Variants in GABRA4 observed in about 807,000 individuals in gnomAD.
GABRA4 encodes gamma-aminobutyric acid type A receptor subunit alpha4.
In GABRA4, 12 loss-of-function variants were observed where a neutral mutation model predicts 49.7. The ratio of observed to expected loss-of-function variants is 0.24; its 90% CI spans 0.15 to 0.39. The LOEUF (loss-of-function observed/expected upper bound fraction) is 0.39. Among genes scored for constraint, GABRA4 ranks in the 10% least tolerant of loss-of-function variants. GABRA4 has a pLI of 1.00. For missense variants in GABRA4, 506 were observed against 686.0 expected, an observed-to-expected ratio of 0.74 and a Z score of 2.93; for synonymous variants, 288 against 240.2, an observed-to-expected ratio of 1.20 and a Z score of -1.84.
chr4:46,985,058 T>C (rs1723485189), intron 2 of GABRA4, among the ~76,000 whole-genome samples: 1 of 152,034 alleles, frequency 6.6e-6, no homozygotes. Flanking sequence ...AGCTGGTTTC[T>C]ATGCAATGGG....
Position 46,920,896 on chromosome 4 carries a change from ACT to A in GABRA4, c.*7327_*7328del, listed in dbSNP as rs1269618108. On this transcript the variant is annotated 3_prime_UTR_variant, in exon 9 of 9. Coordinates refer to ENST00000264318, the MANE Select transcript of GABRA4 (RefSeq NM_000809.4). ...CTTTACTACTTGTGTAACATAATCAACTCTGTCATAGCTTGAGGTATCTGATG... is the reference window on the plus strand; with the variant it reads ...CTTTACTACTTGTGTAACATAATCAACTGTCATAGCTTGAGGTATCTGATG... 1 of 151,798 alleles carries A rather than the reference ACT, an allele frequency of 6.6e-6. No individual in the cohort carries two copies. The highest frequency in any genetic ancestry group is 2.4e-5 in the African/African-American group (1 of 41,408). 9.4% of individuals were successfully genotyped at this position (151,798 alleles called of 1,614,324 possible).
At chr4:46,932,353 T>C (rs547789358) in intron 8 of GABRA4, among the ~76,000 whole-genome samples, 1 of 152,254 alleles carries the variant, frequency 6.6e-6, no homozygotes, top group Admixed American at 6.5e-5. Context: ...ATACAGCAAG[T>C]TACTTACTTG....
intron 8 of GABRA4, among the ~76,000 whole-genome samples, chr4:46,936,442 G>A (rs959532553): frequency 6.6e-6 from 1 of 152,098 alleles, no homozygotes; most frequent in South Asian, 2.1e-4. Flanking sequence ...TAGAGACAGA[G>A]TTTCTCCATG....
At chr4:46,977,934 A>G (rs956017958) in intron 3 of GABRA4, among the ~76,000 whole-genome samples, 7 of 152,100 alleles carry the variant, frequency 4.6e-5, no homozygotes, top group African/African-American at 1.7e-4. Flanking sequence ...AGGTAGTTAC[A>G]ATTGTGTTTT....
intron 8 of GABRA4, among the ~76,000 whole-genome samples, chr4:46,950,207 C>T (rs1471731909): frequency 1.3e-5 from 2 of 152,010 alleles, no homozygotes; most frequent in African/African-American, 2.4e-5. Flanking sequence ...GCATAAACTG[C>T]TTCAAGTCAA....
At chr4:46,976,312 C>T (rs1283460322) in intron 5 of GABRA4, among the ~76,000 whole-genome samples, 2 of 119,980 alleles carry the variant, frequency 1.7e-5, no homozygotes, top group South Asian at 2.9e-4. Context: ...GCCTCCATTT[C>T]TTCTCTGCTG....
intron 8 of GABRA4, among the ~76,000 whole-genome samples, chr4:46,952,689 C>T (rs1357269235): frequency 6.6e-6 from 1 of 152,034 alleles, no homozygotes; most frequent in Non-Finnish European, 1.5e-5. Context: ...AATAATCTTA[C>T]TCAGTAGCTT....
intron 8 of GABRA4, among the ~76,000 whole-genome samples, chr4:46,939,784 T>G (rs1329738503): frequency 6.6e-6 from 1 of 151,936 alleles, no homozygotes; most frequent in Non-Finnish European, 1.5e-5. Flanking sequence ...CACAAAAAAT[T>G]TTCTCATGAT....
chr4:46,991,044 G>C (rs996020005), intron 2 of GABRA4, among the ~76,000 whole-genome samples: 16 of 152,114 alleles, frequency 1.1e-4, no homozygotes, highest in Middle Eastern at 3.2e-3. Flanking sequence ...AAATTAGCCA[G>C]GTGTGGTGGC....
rs141106149 is a variant in GABRA4, at chr4:46,955,494, G to T, written c.1134+9476C>A. Among the ~76,000 whole-genome samples, 179 of 151,706 alleles carry T rather than the reference G, an allele frequency of 1.2e-3. 2 individuals carry two copies. The highest frequency in any genetic ancestry group is 6.8e-3 in the Middle Eastern group (2 of 292). On this transcript the variant is annotated intron_variant, in intron 8 of 8. Transcript: ENST00000264318. ...GTAATACTTAATTTATTACTTTTTCGCATTTCAAAGAGTAATTTGAAGCTC... is the reference window on the plus strand; with the variant it reads ...GTAATACTTAATTTATTACTTTTTCTCATTTCAAAGAGTAATTTGAAGCTC...
intron 8 of GABRA4, among the ~76,000 whole-genome samples, chr4:46,959,531 G>T (rs1252713268): frequency 6.6e-6 from 1 of 151,816 alleles, no homozygotes; most frequent in Non-Finnish European, 1.5e-5. Flanking sequence ...TGAAAAAGGA[G>T]TTACTAAATC....
Position 46,920,156 on chromosome 4 carries a change from C to T in GABRA4, c.*8069G>A, listed in dbSNP as rs1236880801. The T allele has an allele frequency of 2.0e-5, 3 of 151,712 alleles. No homozygotes were observed. The highest frequency in any genetic ancestry group is 3.9e-4 in the East Asian group (2 of 5,172). The allele number at this position is 151,712 out of a possible 1,614,324, so 9.4% of individuals were successfully genotyped here. On this transcript the variant is annotated 3_prime_UTR_variant, in exon 9 of 9. Transcript: ENST00000264318. ...TGTCAATCAAACTTTAACTGAAATG[C>T]TATACATTGTCTGTTATCAGAGCTT...
At chr4:46,964,916 T>C in intron 8 of GABRA4, 54 bp downstream of exon 8, 2 of 1,491,940 alleles carry the variant, frequency 1.3e-6, no homozygotes, top group African/African-American at 1.4e-5. Flanking sequence ...CCTGACAAAA[T>C]AAATTTGACC....
At chr4:46,957,312 A>T (rs557454877) in intron 8 of GABRA4, among the ~76,000 whole-genome samples, 2 of 151,872 alleles carry the variant, frequency 1.3e-5, no homozygotes, top group Non-Finnish European at 2.9e-5. Flanking sequence ...TACTTGAATT[A>T]TTATTTATAC....
At chr4:46,972,523 T>C (rs1722985291) in intron 6 of GABRA4, among the ~76,000 whole-genome samples, 1 of 151,574 alleles carries the variant, frequency 6.6e-6, no homozygotes, top group Admixed American at 6.6e-5. Flanking sequence ...TATACACTCA[T>C]TAATCTATCA....
rs769449183 is a variant in GABRA4, at chr4:46,992,829, C to A, written c.204G>T (p.Gly68=). 6.2e-7 allele frequency: 1 copy of A among 1,611,952 alleles called. No individual in the cohort carries two copies. Among genetic ancestry groups the A allele is most frequent in the Non-Finnish European group, 8.5e-7 (1 of 1,178,104 alleles). The change falls in exon 2 of 9, where the codon GGG becomes GGT. Residue 68 remains glycine (G), a splice_region_variant and synonymous_variant. Coordinates refer to ENST00000264318, the MANE Select transcript of GABRA4 (RefSeq NM_000809.4). ...GYDNRLRPGF[G]GPVTEVKTDI... ...TTGCGCGTTTGAAATCGTTCATACC[C>A]CCAAATCCAGGACGCAGCCTGTTGT...
chr4:46,961,535 G>C (rs1722573488), intron 8 of GABRA4, among the ~76,000 whole-genome samples: 1 of 151,846 alleles, frequency 6.6e-6, no homozygotes, highest in African/African-American at 2.4e-5. Context: ...TCGGCTCACA[G>C]ATTCTAAACA....
intron 4 of GABRA4, 126 bp from the exon 5 acceptor site, chr4:46,977,269 G>A (rs1027849211): frequency 1.3e-5 from 6 of 478,862 alleles, no homozygotes; most frequent in Admixed American, 1.3e-4. Context: ...AGGAAGGAAG[G>A]AAGGGAAGGA....
chr4:46,949,694 T>C (rs1010637610), intron 8 of GABRA4, among the ~76,000 whole-genome samples: 1 of 152,110 alleles, frequency 6.6e-6, no homozygotes, highest in Non-Finnish European at 1.5e-5. Flanking sequence ...TTTGATAAAA[T>C]AGATTTGACT....
Sources: allele counts gnomAD v4.1 joint callset (sites outside exome capture counted in the v4.1 genomes callset), GRCh38; gene constraint gnomAD v4.1.1; transcripts MANE v1.5; gene names NCBI Gene and HGNC (gene_info 2026-07-23, HGNC 2026-07-21).